GALNTL6: variants seen among roughly 807,000 people sequenced by gnomAD.
GALNTL6 encodes the protein polypeptide N-acetylgalactosaminyltransferase like 6.
GALNTL6 carries 46 observed loss-of-function variants against 73.7 expected under a neutral mutation model. The observed-to-expected ratio is 0.62, with a 90% confidence interval of 0.49 to 0.80. The LOEUF is 0.80. GALNTL6 is among the 30% of genes least tolerant of loss of function. The pLI, the probability that GALNTL6 is intolerant of heterozygous loss-of-function variation, is 0.00. For synonymous variants in GALNTL6, 259 were observed against 263.7 expected (o/e 0.98, Z 0.17); for missense variants, 604 against 755.0 (o/e 0.80, Z 2.34).
chr4:172,921,036 G>C (rs1407131213), intron 8 of GALNTL6, among the ~76,000 whole-genome samples: 2 of 152,150 alleles, frequency 1.3e-5, no homozygotes, highest in Non-Finnish European at 2.9e-5. Context: ...AGGGAACTAG[G>C]CATGTGGAGT....
At chr4:173,026,574 A>C (rs1753242069) in intron 12 of GALNTL6, among the ~76,000 whole-genome samples, 2 of 152,244 alleles carry the variant, frequency 1.3e-5, no homozygotes, top group East Asian at 3.8e-4. Context: ...CTGCATCCTC[A>C]CCAACACTTG....
chr4:172,658,471 AAAAAAAAAAAGAAAGAAAAAG>A (rs1232698824), intron 5 of GALNTL6, among the ~76,000 whole-genome samples: 4 of 151,694 alleles, frequency 2.6e-5, no homozygotes, highest in Admixed American at 2.0e-4. Flanking sequence ...CGTCTCAAAA[AAAAAAAAAAAGAAAGAAAAAG>A]AAAAAAAAAA....
chr4:171,879,979 A>T (rs1180475683), intron 2 of GALNTL6, among the ~76,000 whole-genome samples: 1 of 152,188 alleles, frequency 6.6e-6, no homozygotes, highest in East Asian at 1.9e-4. Context: ...ATTAATAAAC[A>T]ACCATTATTG....
intron 11 of GALNTL6, among the ~76,000 whole-genome samples, chr4:173,018,618 G>A (rs1183374677): frequency 6.6e-6 from 1 of 152,228 alleles, no homozygotes; most frequent in African/African-American, 2.4e-5. Flanking sequence ...TCCTGGATGA[G>A]TGGACACTTG....
intron 2 of GALNTL6, among the ~76,000 whole-genome samples, chr4:171,870,144 G>A (rs1160917689): frequency 4.6e-5 from 7 of 152,196 alleles, no homozygotes; most frequent in East Asian, 1.9e-4. Flanking sequence ...GAAGATGAGC[G>A]TTTTGTAAAT....
intron 2 of GALNTL6, among the ~76,000 whole-genome samples, chr4:171,982,575 A>G (rs144623386): frequency 0.068 from 10,287 of 152,002 alleles, 396 homozygotes; most frequent in Admixed American, 0.089. Context: ...TGGGATTACA[A>G]GCATGAGCCA....
chr4:172,962,261 C>T (rs985399483), intron 10 of GALNTL6, among the ~76,000 whole-genome samples: 7 of 152,154 alleles, frequency 4.6e-5, no homozygotes, highest in African/African-American at 1.7e-4. Flanking sequence ...TGGATGTGTA[C>T]GTGCAGGTCA....
Position 172,864,981 on chromosome 4 carries a change from G to C in GALNTL6, c.924-17809G>C, listed in dbSNP as rs185590363. Among the ~76,000 whole-genome samples the C allele has an allele frequency of 4.4e-3, 669 of 152,182 alleles. 5 individuals are homozygous for C. Among genetic ancestry groups the C allele is most frequent in the African/African-American group, 0.015 (629 of 41,530 alleles). The stretch of plus-strand genomic sequence containing the variant: ...CTGTTACAATTATAGTTGCATTATT[G>C]GATCTGCTTGCCTGAAAGGATTTGG... On this transcript the variant is annotated intron_variant, in intron 7 of 12. Transcript: ENST00000506823.
intron 2 of GALNTL6, among the ~76,000 whole-genome samples, chr4:171,844,167 T>G (rs909361258): frequency 1.3e-5 from 2 of 152,196 alleles, no homozygotes; most frequent in African/African-American, 4.8e-5. Context: ...AGGTGGAATA[T>G]CAATCTTTTT....
intron 5 of GALNTL6, among the ~76,000 whole-genome samples, chr4:172,699,224 G>C (rs1002039777): frequency 2.0e-5 from 3 of 151,928 alleles, no homozygotes; most frequent in African/African-American, 7.3e-5. Flanking sequence ...ATCACACTGG[G>C]GACTAGGATT....
chr4:172,206,815 T>TTTTTTC (rs1736140745), intron 2 of GALNTL6, among the ~76,000 whole-genome samples: 1 of 40,646 alleles, frequency 2.5e-5, no homozygotes, highest in Non-Finnish European at 5.2e-5. Flanking sequence ...GTTTTTTTTG[T>TTTTTTC]TTGTTTTTTT....
intron 2 of GALNTL6, among the ~76,000 whole-genome samples, chr4:172,111,479 G>T (rs1732849590): frequency 6.6e-6 from 1 of 151,832 alleles, no homozygotes; most frequent in Non-Finnish European, 1.5e-5. Context: ...ATGAGCTTAA[G>T]TTAATTGAAT....
At chr4:172,441,315 A>C (rs57904658) in intron 5 of GALNTL6, among the ~76,000 whole-genome samples, 95,814 of 151,966 alleles carry the variant, frequency 0.63, 31,194 homozygotes, top group South Asian at 0.82. Context: ...TATTTCTGTA[A>C]ATCAAGAAAT....
At chr4:171,818,650 A>T (rs1734593498) in intron 2 of GALNTL6, among the ~76,000 whole-genome samples, 1 of 151,354 alleles carries the variant, frequency 6.6e-6, no homozygotes, top group Non-Finnish European at 1.5e-5. Flanking sequence ...TGAATTTCAG[A>T]ATTTCTATTT....
chr4:172,177,983 T>C (rs953564135), intron 2 of GALNTL6, among the ~76,000 whole-genome samples: 2 of 151,918 alleles, frequency 1.3e-5, no homozygotes, highest in South Asian at 2.1e-4. Context: ...ATGATATCAA[T>C]GACTACATTA....
At chr4:172,781,283 A>G (rs1401677928) in intron 5 of GALNTL6, among the ~76,000 whole-genome samples, 1 of 152,208 alleles carries the variant, frequency 6.6e-6, no homozygotes, top group African/African-American at 2.4e-5. Context: ...TTGTAATGAA[A>G]GTAGATCTAT....
chr4:172,642,662 T>G (rs1740044763), intron 5 of GALNTL6, among the ~76,000 whole-genome samples: 1 of 151,978 alleles, frequency 6.6e-6, no homozygotes, highest in African/African-American at 2.4e-5. Flanking sequence ...GTCACTAAAG[T>G]TAATAACAAT....
At chr4:171,990,976 GCAT>G (rs1328772281) in intron 2 of GALNTL6, among the ~76,000 whole-genome samples, 3 of 152,106 alleles carry the variant, frequency 2.0e-5, no homozygotes, top group African/African-American at 7.2e-5. Flanking sequence ...TTGGAAAAAA[GCAT>G]CAGAATTTTC....
chr4:172,045,140 T>C (rs574111598), intron 2 of GALNTL6, among the ~76,000 whole-genome samples: 1 of 152,202 alleles, frequency 6.6e-6, no homozygotes, highest in Admixed American at 6.6e-5. Context: ...ACAAAAACTT[T>C]CAGTGTTTGA....
Sources: allele counts gnomAD v4.1 joint callset (sites outside exome capture counted in the v4.1 genomes callset), GRCh38; gene constraint gnomAD v4.1.1; transcripts MANE v1.5; gene names NCBI Gene and HGNC (gene_info 2026-07-23, HGNC 2026-07-21).